LIPA: variants seen among roughly 807,000 people sequenced by gnomAD.
LIPA encodes the protein lysosomal acid lipase/cholesteryl ester hydrolase.
In LIPA, 26 loss-of-function variants were observed where a neutral mutation model predicts 40.6. The ratio of observed to expected loss-of-function variants is 0.64; its 90% CI spans 0.47 to 0.89. The LOEUF is 0.89. Ranked by LOEUF, LIPA falls within the 40% of genes least tolerant of loss-of-function variation. The pLI is 0.00. For missense variants in LIPA, 455 were observed against 479.6 expected (o/e 0.95, Z 0.48); for synonymous variants, 188 against 168.4 (o/e 1.12, Z -0.90).
upstream of LIPA, among the ~76,000 whole-genome samples, chr10:89,256,567 C>T (rs909608942): frequency 2.0e-5 from 3 of 152,168 alleles, no homozygotes; most frequent in Non-Finnish European, 4.4e-5. Flanking sequence ...TACTGAGAAA[C>T]GAGCAACAGA....
chr10:89,290,200 C>G (rs1217148814), intron 1 of LIPA, among the ~76,000 whole-genome samples: 1 of 152,146 alleles, frequency 6.6e-6, no homozygotes, highest in Non-Finnish European at 1.5e-5. Context: ...ATTCTTAGTC[C>G]TTTATTATCT....
At chr10:89,297,932 C>T (rs1843424690) in intron 1 of LIPA, among the ~76,000 whole-genome samples, 1 of 152,216 alleles carries the variant, frequency 6.6e-6, no homozygotes, top group African/African-American at 2.4e-5. Context: ...AGGCTCACAC[C>T]TAAAGAACAG....
intron 1 of LIPA, chr10:89,278,414 C>T (rs1271668312): frequency 6.6e-6 from 1 of 152,134 alleles, no homozygotes; most frequent in Non-Finnish European, 1.5e-5. Flanking sequence ...GGAGAAGGGT[C>T]CACTAACATG....
At chr10:89,402,369 A>T in intron 2 of LIPA, 1 of 1,614,180 alleles carries the variant, frequency 6.2e-7, no homozygotes, top group Non-Finnish European at 8.5e-7. Context: ...TGACGATGAA[A>T]TGCCTGATTT....
chr10:89,299,911 A>G (rs1355363416), intron 1 of LIPA, among the ~76,000 whole-genome samples: 1 of 152,244 alleles, frequency 6.6e-6, no homozygotes, highest in Non-Finnish European at 1.5e-5. Context: ...CAATCACACT[A>G]CTGGATGTCT....
At chr10:89,333,125 T>C (rs1042463585) in intron 1 of LIPA, among the ~76,000 whole-genome samples, 2 of 152,226 alleles carry the variant, frequency 1.3e-5, no homozygotes, top group Non-Finnish European at 2.9e-5. Flanking sequence ...AATGCACTTT[T>C]TCATAATTGG....
chr10:89,372,884 G>A (rs1406949852), intron 2 of LIPA, among the ~76,000 whole-genome samples: 4 of 152,118 alleles, frequency 2.6e-5, no homozygotes, highest in African/African-American at 9.7e-5. Flanking sequence ...TGCTTTCCGG[G>A]AACCTGAGGA....
At chr10:89,383,187 C>G in intron 2 of LIPA, 1 of 773,308 alleles carries the variant, frequency 1.3e-6, no homozygotes. Context: ...GACTGTAGAA[C>G]CCAGAGGGGC....
chr10:89,390,360 T>G (rs1198867924), intron 2 of LIPA, among the ~76,000 whole-genome samples: 1 of 152,162 alleles, frequency 6.6e-6, no homozygotes, highest in East Asian at 1.9e-4. Flanking sequence ...ATGGGCATAG[T>G]TAGCATTATT....
intron 8 of LIPA, among the ~76,000 whole-genome samples, chr10:89,216,890 T>TG (rs1842635070): frequency 6.6e-6 from 1 of 152,216 alleles, no homozygotes; most frequent in Non-Finnish European, 1.5e-5. Flanking sequence ...TCTTGAGTAC[T>TG]GGTATCAGTA....
intron 1 of LIPA, chr10:89,339,358 G>A: frequency 6.2e-7 from 1 of 1,613,766 alleles, no homozygotes; most frequent in African/African-American, 1.3e-5. Context: ...AGAAGCCTTG[G>A]AAAAGTCTCC....
Position 89,226,891 on chromosome 10 carries a change from A to T in LIPA, c.538+4T>A, listed in dbSNP as rs779872404. 6 of 1,469,202 alleles carry T rather than the reference A, an allele frequency of 4.1e-6. No individual in the cohort carries two copies. In the Admixed American group the frequency reaches 1.0e-4, roughly 25 times the overall value. The allele number at this position is 1,469,202 out of a possible 1,614,324, so 91.0% of individuals were successfully genotyped here. A position where few individuals can be genotyped will look rare whatever the true frequency, so the allele number is the denominator to read the frequency against. On this transcript the variant is annotated splice_donor_region_variant and intron_variant, in intron 5 of 9. Coordinates refer to ENST00000336233, the MANE Select transcript of LIPA (RefSeq NM_000235.4). Reference sequence around the variant, plus strand: ...TCAACTTCTGATCTTATTTACATACATACCTATAGTGGTGCCTTGAGAATG... The same window carrying T: ...TCAACTTCTGATCTTATTTACATACTTACCTATAGTGGTGCCTTGAGAATG...
chr10:89,223,297 C>T (rs920625297), intron 7 of LIPA, among the ~76,000 whole-genome samples: 2 of 224 alleles, frequency 8.9e-3, no homozygotes, highest in South Asian at 0.5. Flanking sequence ...TAGTACTCAA[C>T]AGGCTTCAGC....
At chr10:89,280,400 G>T (rs1209740089) in intron 1 of LIPA, among the ~76,000 whole-genome samples, 1 of 152,196 alleles carries the variant, frequency 6.6e-6, no homozygotes, top group Non-Finnish European at 1.5e-5. Flanking sequence ...AGAAGGCAGG[G>T]GAGGGGTCTC....
intron 1 of LIPA, chr10:89,306,868 T>C (rs1589596069): frequency 1.2e-6 from 2 of 1,614,040 alleles, no homozygotes; most frequent in East Asian, 4.5e-5. Flanking sequence ...TAAGAGAGAA[T>C]GGAATGTATG....
Position 89,395,212 on chromosome 10 carries a change from T to C in LIPA, c.61+17579A>G, listed in dbSNP as rs139029633. Reference sequence around the variant, plus strand: ...CCACCCCACATGGACCAGGCAGATGTGCTGCAGTGACCACCTCTCAGTCAC... The same window carrying C: ...CCACCCCACATGGACCAGGCAGATGCGCTGCAGTGACCACCTCTCAGTCAC... On this transcript the variant is annotated intron_variant, in intron 2 of 8. Transcript: ENST00000371837. Among the ~76,000 whole-genome samples the C allele has an allele frequency of 5.4e-3, 716 of 132,622 alleles. 3 individuals carry two copies. The highest frequency in any genetic ancestry group is 0.027 in the Middle Eastern group (7 of 260). 87.0% of individuals were successfully genotyped at this position (132,622 alleles called of 152,430 possible).
At chr10:89,281,567 G>C (rs1032660527) in intron 1 of LIPA, among the ~76,000 whole-genome samples, 3 of 152,176 alleles carry the variant, frequency 2.0e-5, no homozygotes, top group Non-Finnish European at 4.4e-5. Flanking sequence ...TGGAAACTAA[G>C]GCTCCAATAG....
At chr10:89,408,404 C>A (rs1841442918) in intron 2 of LIPA, among the ~76,000 whole-genome samples, 1 of 152,170 alleles carries the variant, frequency 6.6e-6, no homozygotes, top group South Asian at 2.1e-4. Flanking sequence ...CAATTTACAT[C>A]CCACAGGAGG....
intron 1 of LIPA, among the ~76,000 whole-genome samples, chr10:89,310,667 C>T (rs1843510705): frequency 6.6e-6 from 1 of 152,182 alleles, no homozygotes; most frequent in Non-Finnish European, 1.5e-5. Context: ...GTAAGAGAGG[C>T]ATTCTCAGCT....
Sources: gnomAD v4.1 joint callset for allele counts (sites outside exome capture counted in the v4.1 genomes callset) on GRCh38, gnomAD v4.1.1 for gene constraint, MANE v1.5 for transcripts, NCBI Gene and HGNC (gene_info 2026-07-23, HGNC 2026-07-21) for gene names.